RFTN1: variants seen among roughly 807,000 people sequenced by gnomAD.
RFTN1 encodes raftlin.
RFTN1 carries 26 observed loss-of-function variants against 46.5 expected under a neutral mutation model. That is an observed-to-expected ratio of 0.56 (90% confidence interval 0.41 to 0.78). RFTN1 has a LOEUF of 0.78. Ranked by LOEUF, RFTN1 falls within the 30% of genes least tolerant of loss-of-function variation. The pLI, the probability that RFTN1 is intolerant of heterozygous loss-of-function variation, is 0.00. For synonymous variants in RFTN1, 261 were observed against 284.2 expected, an observed-to-expected ratio of 0.92 and a Z score of 0.82; for missense variants, 693 against 718.7, an observed-to-expected ratio of 0.96 and a Z score of 0.41.
intron 7 of RFTN1, among the ~76,000 whole-genome samples, chr3:16,333,904 G>T (rs867657627): frequency 1.3e-5 from 2 of 152,214 alleles, no homozygotes; most frequent in Non-Finnish European, 2.9e-5. Context: ...GGTGGCTCAC[G>T]CCTGTAATCC....
chr3:16,389,391 C>A (rs1183015149), intron 4 of RFTN1, among the ~76,000 whole-genome samples: 2 of 152,056 alleles, frequency 1.3e-5, no homozygotes, highest in Non-Finnish European at 2.9e-5. Context: ...CCCTGGAGAA[C>A]ACTGGGATGG....
At position 16,322,519 on chromosome 3, in the gene RFTN1, A is replaced by C. The variant is rs548524451; in HGVS notation, c.1332+857T>G. 2.9e-4 allele frequency among the ~76,000 whole-genome samples: 44 copies of C among 152,198 alleles called. No individual in the cohort carries two copies. Among genetic ancestry groups the C allele is most frequent in the Non-Finnish European group, 5.3e-4 (36 of 68,040 alleles). ...ATGTGGCCTCAGCCATCAAAGGTGC[A>C]GTGAGCTGAATCCAGGTGATGCCTG... is the stretch of plus-strand genomic sequence containing the variant. On this transcript the variant is annotated intron_variant, in intron 9 of 9. Coordinates refer to ENST00000334133, the MANE Select transcript of RFTN1 (RefSeq NM_015150.2). The surrounding 1 kb of genome is among the most constrained non-coding windows in gnomAD (Gnocchi z 6.2).
intron 7 of RFTN1, among the ~76,000 whole-genome samples, chr3:16,330,345 T>C (rs2070187489): frequency 6.6e-6 from 1 of 152,250 alleles, no homozygotes; most frequent in African/African-American, 2.4e-5. Context: ...CGTTTGCATA[T>C]TTATCAATAT....
In RFTN1 at chr3:16,382,849, C is replaced by G. The variant is rs1417979331; in HGVS notation, c.442-4747G>C. Among the ~76,000 whole-genome samples the G allele has an allele frequency of 6.6e-6, 1 of 152,138 alleles. No individual in the cohort carries two copies. The highest frequency in any genetic ancestry group is 1.5e-5 in the Non-Finnish European group (1 of 68,016). On this transcript the variant is annotated intron_variant, in intron 4 of 9. Coordinates refer to ENST00000334133, the MANE Select transcript of RFTN1 (RefSeq NM_015150.2). This position sits in a 1 kb window ranked among gnomAD's most constrained non-coding sequence, Gnocchi z 4.7. The stretch of plus-strand genomic sequence containing the variant: ...ATCTGTTGCTGGACATCACCATGAC[C>G]TCAGGCGATGCCAGGGTCTTCATGA...
At chr3:16,477,859 G>A (rs1044277962) in intron 2 of RFTN1, among the ~76,000 whole-genome samples, 23 of 152,212 alleles carry the variant, frequency 1.5e-4, no homozygotes, top group African/African-American at 5.3e-4. Flanking sequence ...ACTGGTTGAC[G>A]CAGAAGGCAT....
intron 6 of RFTN1, among the ~76,000 whole-genome samples, chr3:16,365,512 G>A (rs189042202): frequency 3.0e-5 from 4 of 134,152 alleles, no homozygotes; most frequent in Non-Finnish European, 4.7e-5. Context: ...ATATGATCAT[G>A]GAGGATATGC....
intron 1 of RFTN1, among the ~76,000 whole-genome samples, chr3:16,505,183 A>G (rs1421756465): frequency 4.6e-5 from 7 of 152,188 alleles, no homozygotes; most frequent in Admixed American, 3.9e-4. Flanking sequence ...GCATAATCAC[A>G]TCTGCTGTGC....
In RFTN1 at chr3:16,348,727, TTC is replaced by T. The variant is rs1403862461; in HGVS notation, c.1146+9203_1146+9204del. Among the ~76,000 whole-genome samples, 1 of 152,150 alleles carries T rather than the reference TTC, an allele frequency of 6.6e-6. No homozygotes were observed. Among genetic ancestry groups the T allele is most frequent in the African/African-American group, 2.4e-5 (1 of 41,434 alleles). ...ATGGAGTTTCCCAGTTCCCTGAGGG[TTC>T]TGTTATGGAACCCCTAATCACCATC... On this transcript the variant is annotated intron_variant, in intron 7 of 9. Coordinates refer to ENST00000334133, the MANE Select transcript of RFTN1 (RefSeq NM_015150.2). The surrounding 1 kb of genome is among the most constrained non-coding windows in gnomAD (Gnocchi z 6.3).
intron 4 of RFTN1, among the ~76,000 whole-genome samples, chr3:16,406,398 A>G (rs1378198942): frequency 2.0e-5 from 3 of 152,260 alleles, no homozygotes; most frequent in African/African-American, 7.2e-5. Context: ...TGCGGGGGCA[A>G]ACGGTGGGGC....
Position 16,380,294 on chromosome 3 carries a change from T to A in RFTN1, c.442-2192A>T. ...ACTGAAACTTAGTTTAGACATTACA[T>A]ATGGCAAGTGCGCCAAAGGATGGGG... On this transcript the variant is annotated intron_variant, in intron 4 of 9. Transcript: ENST00000334133. The surrounding 1 kb of genome is among the most constrained non-coding windows in gnomAD (Gnocchi z 4.8). Among the ~76,000 whole-genome samples the A allele has an allele frequency of 6.6e-6, 1 of 152,226 alleles. No individual in the cohort carries two copies. The highest frequency in any genetic ancestry group is 1.9e-4 in the East Asian group (1 of 5,202).
intron 1 of RFTN1, among the ~76,000 whole-genome samples, chr3:16,503,256 G>A (rs1227829058): frequency 5.9e-5 from 9 of 152,106 alleles, no homozygotes; most frequent in African/African-American, 2.2e-4. Flanking sequence ...CAGCATCCAG[G>A]ATCTTGTTAA....
intron 1 of RFTN1, 75 bp from the exon 2 acceptor site, chr3:16,493,952 A>T (rs1410830333): frequency 1.3e-5 from 20 of 1,539,658 alleles, no homozygotes; most frequent in Non-Finnish European, 1.5e-5. Flanking sequence ...AGTATAAAAG[A>T]TGCCGTAATT....
Position 16,428,183 on chromosome 3 carries a change from T to C in RFTN1, c.332+5668A>G, listed in dbSNP as rs905429132. ...AAACAGTGCCAGTTATTCTATTCAA[T>C]AGGCAGATGTGCCCCAGAATGAACT... On this transcript the variant is annotated intron_variant, in intron 3 of 9. Coordinates refer to ENST00000334133, the MANE Select transcript of RFTN1 (RefSeq NM_015150.2). This position sits in a 1 kb window ranked among gnomAD's most constrained non-coding sequence, Gnocchi z 4.7. 1.3e-5 allele frequency among the ~76,000 whole-genome samples: 2 copies of C among 152,216 alleles called. No individual in the cohort carries two copies. The highest frequency in any genetic ancestry group is 6.5e-5 in the Admixed American group (1 of 15,286).
chr3:16,343,791 G>T (rs2071466566), intron 7 of RFTN1, among the ~76,000 whole-genome samples: 1 of 152,230 alleles, frequency 6.6e-6, no homozygotes, highest in African/African-American at 2.4e-5. Context: ...GCTGGTCCCT[G>T]ACTCAAGGAG....
chr3:16,478,061 T>C, intron 2 of RFTN1, among the ~76,000 whole-genome samples: 1 of 152,202 alleles, frequency 6.6e-6, no homozygotes, highest in Non-Finnish European at 1.5e-5. Context: ...TTGTTGATGG[T>C]CTTTAAAGGA....
intron 9 of RFTN1, among the ~76,000 whole-genome samples, chr3:16,323,067 C>T (rs2069257202): frequency 6.6e-6 from 1 of 152,222 alleles, no homozygotes; most frequent in African/African-American, 2.4e-5. Flanking sequence ...GGTCAGGCTG[C>T]AGCTGACTTC....
intron 4 of RFTN1, among the ~76,000 whole-genome samples, chr3:16,392,156 TTGAG>T (rs1369961338): frequency 6.6e-6 from 1 of 152,138 alleles, no homozygotes; most frequent in East Asian, 1.9e-4. Context: ...ACCTGGCTCT[TTGAG>T]TGGGAATTCT....
intron 8 of RFTN1, among the ~76,000 whole-genome samples, chr3:16,325,696 G>T (rs1454265788): frequency 6.6e-6 from 1 of 152,182 alleles, no homozygotes; most frequent in Non-Finnish European, 1.5e-5. Flanking sequence ...CTCAAAAGTG[G>T]CCGCAGACTG....
intron 1 of RFTN1, among the ~76,000 whole-genome samples, chr3:16,501,674 A>G (rs758138880): frequency 6.6e-6 from 1 of 152,252 alleles, no homozygotes; most frequent in East Asian, 1.9e-4. Flanking sequence ...AGACGCAAGC[A>G]TGTTTATTAC....
Sources: gnomAD v4.1 joint callset for allele counts (sites outside exome capture counted in the v4.1 genomes callset) on GRCh38, gnomAD v4.1.1 for gene constraint, Gnocchi (gnomAD v3.1) non-coding constraint, MANE v1.5 for transcripts, NCBI Gene and HGNC (gene_info 2026-07-23, HGNC 2026-07-21) for gene names.